EPB41L2: variants seen among roughly 807,000 people sequenced by gnomAD.
The protein encoded by EPB41L2 is band 4.1-like protein 2.
In EPB41L2, 43 loss-of-function variants were observed where a neutral mutation model predicts 113.0. That is an observed-to-expected ratio of 0.38 (90% CI 0.30 to 0.49). The LOEUF is 0.49. Ranked by LOEUF, EPB41L2 falls within the 20% of genes least tolerant of loss-of-function variation. EPB41L2 has a pLI of 0.95. For synonymous variants in EPB41L2, 442 were observed against 436.7 expected (o/e 1.01, Z -0.15); for missense variants, 1,147 against 1,223.4 (o/e 0.94, Z 0.93).
intron 1 of EPB41L2, among the ~76,000 whole-genome samples, chr6:130,993,568 C>T (rs953197331): frequency 6.6e-6 from 1 of 152,170 alleles, no homozygotes; most frequent in Non-Finnish European, 1.5e-5. Context: ...CAGGAAGTGT[C>T]TCAGTCTGAT....
At chr6:130,997,963 C>G (rs1291802958) in intron 1 of EPB41L2, among the ~76,000 whole-genome samples, 2 of 152,150 alleles carry the variant, frequency 1.3e-5, no homozygotes, top group African/African-American at 4.8e-5. Flanking sequence ...CCTTACTTAT[C>G]AACTGAATTA....
At chr6:130,940,557 C>T (rs1223265627) in intron 3 of EPB41L2, among the ~76,000 whole-genome samples, 2 of 151,616 alleles carry the variant, frequency 1.3e-5, no homozygotes, top group Non-Finnish European at 2.9e-5. Context: ...ACTCTACCTC[C>T]TGGGTTCAAG....
chr6:130,969,846 T>C (rs1008084917), intron 1 of EPB41L2, among the ~76,000 whole-genome samples: 1 of 152,200 alleles, frequency 6.6e-6, no homozygotes, highest in African/African-American at 2.4e-5. Flanking sequence ...AATATCATAC[T>C]GATTTTGTAC....
At chr6:131,008,037 A>C (rs28812545) in intron 1 of EPB41L2, among the ~76,000 whole-genome samples, 22,833 of 152,312 alleles carry the variant, frequency 0.15, 2,346 homozygotes, top group East Asian at 0.43. Context: ...TGCATGAGCA[A>C]CAAGGAGCCA....
intron 3 of EPB41L2, among the ~76,000 whole-genome samples, chr6:130,945,701 C>T (rs1812571266): frequency 6.6e-6 from 1 of 152,172 alleles, no homozygotes; most frequent in East Asian, 1.9e-4. Flanking sequence ...TTTTCATTCT[C>T]TTTGCAATCT....
At chr6:130,887,200 A>C (rs1363156106) in intron 11 of EPB41L2, among the ~76,000 whole-genome samples, 2 of 152,190 alleles carry the variant, frequency 1.3e-5, no homozygotes, top group East Asian at 3.9e-4. Context: ...TAATTTCAGC[A>C]TGCAGTTTCT....
intron 1 of EPB41L2, among the ~76,000 whole-genome samples, chr6:130,983,921 T>C (rs1276635175): frequency 1.3e-5 from 2 of 152,236 alleles, no homozygotes; most frequent in Non-Finnish European, 2.9e-5. Flanking sequence ...GTCTTTTTAC[T>C]TTATAAACTT....
At chr6:130,876,881 CAGG>C (rs1787741499) in intron 14 of EPB41L2, 1 of 451,028 alleles carries the variant, frequency 2.2e-6, no homozygotes, top group South Asian at 3.0e-5. Context: ...TGACACACAC[CAGG>C]AGAAGTGGCA....
intron 1 of EPB41L2, among the ~76,000 whole-genome samples, chr6:130,983,425 G>C (rs1779825343): frequency 6.6e-6 from 1 of 151,954 alleles, no homozygotes; most frequent in Admixed American, 6.5e-5. Context: ...ACATGGTATA[G>C]CCTACTACAC....
chr6:130,844,021 C>T (rs934048309), intron 19 of EPB41L2, among the ~76,000 whole-genome samples: 3 of 152,170 alleles, frequency 2.0e-5, no homozygotes, highest in African/African-American at 7.2e-5. Context: ...ATCTTGAGTG[C>T]TCTACTCCAG....
chr6:130,860,761 C>T (rs1044265626), intron 18 of EPB41L2, among the ~76,000 whole-genome samples: 14 of 152,012 alleles, frequency 9.2e-5, no homozygotes, highest in Non-Finnish European at 2.9e-5. Context: ...GTCTCGATCT[C>T]CTGACCTCAT....
chr6:131,003,195 A>T (rs1784731104), intron 1 of EPB41L2, among the ~76,000 whole-genome samples: 1 of 152,234 alleles, frequency 6.6e-6, no homozygotes, highest in African/African-American at 2.4e-5. Context: ...GTGAAAAATG[A>T]CAACAAAACC....
At chr6:130,885,949 C>T (rs548026446) in intron 11 of EPB41L2, among the ~76,000 whole-genome samples, 1 of 152,280 alleles carries the variant, frequency 6.6e-6, no homozygotes, top group South Asian at 2.1e-4. Flanking sequence ...TACAGATAGG[C>T]AGAAATGTAC....
Position 130,869,873 on chromosome 6 carries a change from G to A in EPB41L2, c.2297C>T (p.Thr766Ile), listed in dbSNP as rs1253367884. The A allele has an allele frequency of 6.2e-7, 1 of 1,612,810 alleles. No individual in the cohort carries two copies. The highest frequency in any genetic ancestry group is 8.5e-7 in the Non-Finnish European group (1 of 1,179,956). The change falls in exon 15 of 20, where the codon ACC becomes ATC. Residue 766 changes from threonine to isoleucine, a missense_variant. Physicochemically the swap from Thr to Ile is moderately conservative, Grantham distance 89. Coordinates refer to ENST00000337057, the MANE Select transcript of EPB41L2 (RefSeq NM_001431.4). Reference sequence around the variant, plus strand: ...TTCATACTCCTGTTCCTCCCTGATGGTGCCCTCGGTCACTCGGTGGTGGGG... The same window carrying A: ...TTCATACTCCTGTTCCTCCCTGATGATGCCCTCGGTCACTCGGTGGTGGGG... The part of the protein sequence containing the change: ...YRPHHRVTEG[T>I]IREEQEYEEE...
chr6:130,866,616 C>T (rs1292179263), intron 16 of EPB41L2, among the ~76,000 whole-genome samples: 1 of 152,248 alleles, frequency 6.6e-6, no homozygotes, highest in Non-Finnish European at 1.5e-5. Flanking sequence ...AGATGTGTTT[C>T]ACACATGCAT....
chr6:131,004,472 G>C (rs1485119825), intron 1 of EPB41L2, among the ~76,000 whole-genome samples: 1 of 152,132 alleles, frequency 6.6e-6, no homozygotes. Flanking sequence ...AATTCCCTAG[G>C]CCTACCAAAG....
At chr6:131,028,979 T>C (rs1791473876) in intron 1 of EPB41L2, among the ~76,000 whole-genome samples, 1 of 152,312 alleles carries the variant, frequency 6.6e-6, no homozygotes, top group East Asian at 1.9e-4. Flanking sequence ...CCAAAATGAC[T>C]GATCAACTTG....
intron 19 of EPB41L2, among the ~76,000 whole-genome samples, chr6:130,855,405 GA>G (rs1166245984): frequency 6.6e-6 from 1 of 152,010 alleles, no homozygotes; most frequent in Non-Finnish European, 1.5e-5. Context: ...AAGATAAAAA[GA>G]TCAATATCCA....
chr6:131,030,049 C>T (rs1055485224), intron 1 of EPB41L2, among the ~76,000 whole-genome samples: 7 of 151,506 alleles, frequency 4.6e-5, no homozygotes, highest in Non-Finnish European at 2.9e-5. Context: ...ACAAATGGTT[C>T]AGGGCCCTAC....
Sources: allele counts gnomAD v4.1 joint callset (sites outside exome capture counted in the v4.1 genomes callset), GRCh38; gene constraint gnomAD v4.1.1; transcripts MANE v1.5; gene names NCBI Gene and HGNC (gene_info 2026-07-23, HGNC 2026-07-21).